The following TMEM170B variants were observed in gnomAD, a reference collection of about 807,000 sequenced individuals.
The protein encoded by TMEM170B is transmembrane protein 170B.
In TMEM170B, 6 loss-of-function variants were observed where a neutral mutation model predicts 13.0. The ratio of observed to expected loss-of-function variants is 0.46; its 90% CI spans 0.25 to 0.91. The LOEUF (loss-of-function observed/expected upper bound fraction) is 0.91, where lower values mean the gene tolerates loss of function less well. TMEM170B is among the 40% of genes least tolerant of loss of function. The pLI is 0.17. For missense variants in TMEM170B, 138 were observed against 165.2 expected, an observed-to-expected ratio of 0.84 and a Z score of 0.90; for synonymous variants, 61 against 64.9, an observed-to-expected ratio of 0.94 and a Z score of 0.29.
At chr6:11,545,276 C>CTG (rs1287095672) in intron 1 of TMEM170B, among the ~76,000 whole-genome samples, 1 of 91,126 alleles carries the variant, frequency 1.1e-5, no homozygotes, top group African/African-American at 3.7e-5. Context: ...CTCTCTCTCT[C>CTG]TCTCTGTGTG....
chr6:11,545,280 C>CTG (rs1210551633), intron 1 of TMEM170B, among the ~76,000 whole-genome samples: 5,705 of 139,772 alleles, frequency 0.041, 171 homozygotes, highest in African/African-American at 0.079. Context: ...CTCTCTCTCT[C>CTG]TGTGTGTGTG....
At chr6:11,566,413 A>G (rs1398914187) in intron 2 of TMEM170B, among the ~76,000 whole-genome samples, 1 of 152,182 alleles carries the variant, frequency 6.6e-6, no homozygotes, top group Non-Finnish European at 1.5e-5. Context: ...TTCTCTGTTT[A>G]ACACTGTACT....
rs1446311979 is a variant in TMEM170B at position 11,575,242 on chromosome 6, GC to G, written c.269-188del. On this transcript the variant is annotated intron_variant, in intron 2 of 2. Transcript: ENST00000379426. The surrounding 1 kb of genome is among the most constrained non-coding windows in gnomAD (Gnocchi z 4.1). ...GAAAAGTCTGTTTTTCAAATAAGTGGCTAAGTGTATTATGGTAAGTTGTAAC... is the reference window on the plus strand; with the variant it reads ...GAAAAGTCTGTTTTTCAAATAAGTGGTAAGTGTATTATGGTAAGTTGTAAC... 6.6e-6 allele frequency among the ~76,000 whole-genome samples: 1 copy of G among 151,984 alleles called. No individual in the cohort carries two copies. The highest frequency in any genetic ancestry group is 1.5e-5 in the Non-Finnish European group (1 of 67,978).
Position 11,583,102 on chromosome 6 carries a change from G to A in TMEM170B, c.*7541G>A, listed in dbSNP as rs1293204234. 6.6e-6 allele frequency: 1 copy of A among 152,160 alleles called. No homozygotes were observed. Among genetic ancestry groups the A allele is most frequent in the African/African-American group, 2.4e-5 (1 of 41,426 alleles). 9.4% of individuals were successfully genotyped at this position (152,160 alleles called of 1,614,324 possible). On this transcript the variant is annotated 3_prime_UTR_variant, in exon 3 of 3. Transcript: ENST00000379426. ...TGAATTTTAAGTAATTTTAATTGCA[G>A]TAAGCATCAGTTTAGCCTAGAGATG...
At chr6:11,564,159 C>T (rs1017278449) in intron 1 of TMEM170B, among the ~76,000 whole-genome samples, 1 of 152,296 alleles carries the variant, frequency 6.6e-6, no homozygotes, top group Middle Eastern at 3.4e-3. Context: ...GAGTTGCTAT[C>T]ACCTCTTGGC....
intron 1 of TMEM170B, among the ~76,000 whole-genome samples, chr6:11,544,950 T>G (rs951704768): frequency 3.8e-5 from 5 of 131,818 alleles, no homozygotes; most frequent in Non-Finnish European, 5.1e-5. Context: ...CAATTAAATG[T>G]TTTTTTTTTG....
In TMEM170B at chr6:11,579,528, T is replaced by C. The variant is rs1759923745; in HGVS notation, c.*3967T>C. On this transcript the variant is annotated 3_prime_UTR_variant, in exon 3 of 3. Coordinates refer to ENST00000379426, the MANE Select transcript of TMEM170B (RefSeq NM_001100829.3). Reference sequence around the variant, plus strand: ...TCATCAATTTTGTTTCATTTCTATATTTTCCTTACATATGCTTTAGGAAAG... The same window carrying C: ...TCATCAATTTTGTTTCATTTCTATACTTTCCTTACATATGCTTTAGGAAAG... 6.6e-6 allele frequency: 1 copy of C among 152,246 alleles called. No individual in the cohort carries two copies. The highest frequency in any genetic ancestry group is 6.5e-5 in the Admixed American group (1 of 15,282). The allele number at this position is 152,246 out of a possible 1,614,324, so 9.4% of individuals were successfully genotyped here. A position where few individuals can be genotyped will look rare whatever the true frequency, so the allele number is the denominator to read the frequency against.
chr6:11,554,700 T>G (rs968855634), intron 1 of TMEM170B, among the ~76,000 whole-genome samples: 4 of 152,120 alleles, frequency 2.6e-5, no homozygotes, highest in Non-Finnish European at 5.9e-5. Flanking sequence ...GTAATTTGGT[T>G]TAAGTGGCTA....
rs1759311743 is a variant in TMEM170B at position 11,538,449 on chromosome 6, C to T, written c.97+75C>T. 4.4e-6 allele frequency: 5 copies of T among 1,136,904 alleles called. No homozygotes were observed. In the South Asian group the frequency reaches 4.6e-5, roughly 10 times the overall value. 70.4% of individuals were successfully genotyped at this position (1,136,904 alleles called of 1,614,324 possible). A position where few individuals can be genotyped will look rare whatever the true frequency, so the allele number is the denominator to read the frequency against. On this transcript the variant is annotated intron_variant, in intron 1 of 2. Coordinates refer to ENST00000379426, the MANE Select transcript of TMEM170B (RefSeq NM_001100829.3). ...TGTCTTCTCCTTCCTCGGGAGGGGA[C>T]ACGCTCCTCGCCGCCCCACCCCCGT...
At position 11,582,524 on chromosome 6, in the gene TMEM170B, A is replaced by G. The variant is rs1389002324; in HGVS notation, c.*6963A>G. On this transcript the variant is annotated 3_prime_UTR_variant, in exon 3 of 3. Coordinates refer to ENST00000379426, the MANE Select transcript of TMEM170B (RefSeq NM_001100829.3). ...TGACAGCTACTTTCACTATATTTTC[A>G]TGATGTGGTATTTTTCTCTATTTTT... 1 of 152,194 alleles carries G rather than the reference A, an allele frequency of 6.6e-6. No individual in the cohort carries two copies. Among genetic ancestry groups the G allele is most frequent in the Non-Finnish European group, 1.5e-5 (1 of 68,022 alleles). 9.4% of individuals were successfully genotyped at this position (152,194 alleles called of 1,614,324 possible). A position where few individuals can be genotyped will look rare whatever the true frequency, so the allele number is the denominator to read the frequency against.
At chr6:11,553,742 C>T (rs1759554185) in intron 1 of TMEM170B, among the ~76,000 whole-genome samples, 1 of 152,144 alleles carries the variant, frequency 6.6e-6, no homozygotes, top group African/African-American at 2.4e-5. Flanking sequence ...TTTAATCTTT[C>T]AAGTTAAGCA....
At chr6:11,566,258 A>G (rs1407201487) in intron 2 of TMEM170B, among the ~76,000 whole-genome samples, 1 of 152,200 alleles carries the variant, frequency 6.6e-6, no homozygotes, top group South Asian at 2.1e-4. Context: ...TACAAAATAA[A>G]ATTGCACTTT....
rs1477128740 is a variant in TMEM170B at position 11,581,458 on chromosome 6, T to G, written c.*5897T>G. 1 of 152,210 alleles carries G rather than the reference T, an allele frequency of 6.6e-6. No individual in the cohort carries two copies. Among genetic ancestry groups the G allele is most frequent in the African/African-American group, 2.4e-5 (1 of 41,444 alleles). The allele number at this position is 152,210 out of a possible 1,614,324, so 9.4% of individuals were successfully genotyped here. A position where few individuals can be genotyped will look rare whatever the true frequency, so the allele number is the denominator to read the frequency against. The stretch of plus-strand genomic sequence containing the variant: ...GAACCTCATACATACATTTTTACGA[T>G]TATGTACTGCACCCACATGTATCTA... On this transcript the variant is annotated 3_prime_UTR_variant, in exon 3 of 3. Coordinates refer to ENST00000379426, the MANE Select transcript of TMEM170B (RefSeq NM_001100829.3).
rs376653266 is a variant in TMEM170B, at chr6:11,565,692, G to A, written c.124G>A (p.Ala42Thr). ...TEMWYWIFLW[A>T]LFSSLFVHGA... Reference sequence around the variant, plus strand: ...GATGTGGTACTGGATCTTCCTCTGGGCTCTCTTCTCTTCTCTGTTTGTCCA... The same window carrying A: ...GATGTGGTACTGGATCTTCCTCTGGACTCTCTTCTCTTCTCTGTTTGTCCA... Residue 42 changes from alanine (A) to threonine (T), a missense_variant, in exon 2 of 3, where the codon GCT (alanine) becomes ACT (threonine). Coordinates refer to ENST00000379426, the MANE Select transcript of TMEM170B (RefSeq NM_001100829.3). 8.1e-6 allele frequency: 13 copies of A among 1,613,966 alleles called. No homozygotes were observed. The highest frequency in any genetic ancestry group is 1.1e-5 in the South Asian group (1 of 91,084).
At chr6:11,560,557 G>A (rs2113774239) in intron 1 of TMEM170B, among the ~76,000 whole-genome samples, 1 of 141,572 alleles carries the variant, frequency 7.1e-6, no homozygotes, top group South Asian at 2.3e-4. Context: ...TCCAGCCTGG[G>A]CAGCATAGCA....
At chr6:11,539,356 T>G (rs1249403813) in intron 1 of TMEM170B, among the ~76,000 whole-genome samples, 1 of 152,238 alleles carries the variant, frequency 6.6e-6, no homozygotes, top group African/African-American at 2.4e-5. Flanking sequence ...GGCAGTTAAT[T>G]TCAGTAGAAC....
In TMEM170B at chr6:11,575,519, G is replaced by A; in HGVS notation, c.357G>A (p.Leu119=). ...TATGGGGCGTTGGACAGACTGTACTGACATTAATCATCTCCTTTTCAAGGA... is the reference window on the plus strand; with the variant it reads ...TATGGGGCGTTGGACAGACTGTACTAACATTAATCATCTCCTTTTCAAGGA... ...ALVWGVGQTV[L]TLIISFSRIL... is the part of the protein sequence containing the mutation. Residue 119 remains leucine (L), a synonymous_variant, in exon 3 of 3, where the codon CTG becomes CTA. Coordinates refer to ENST00000379426, the MANE Select transcript of TMEM170B (RefSeq NM_001100829.3). The surrounding 1 kb of genome is among the most constrained non-coding windows in gnomAD (Gnocchi z 4.1). 2.5e-6 allele frequency: 4 copies of A among 1,613,404 alleles called. No individual in the cohort carries two copies. The highest frequency in any genetic ancestry group is 1.3e-5 in the African/African-American group (1 of 74,984).
At chr6:11,569,205 C>CTTGTTGTTG (rs1276095177) in intron 2 of TMEM170B, among the ~76,000 whole-genome samples, 6 of 152,078 alleles carry the variant, frequency 3.9e-5, no homozygotes, top group African/African-American at 1.4e-4. Context: ...ATATTGACCT[C>CTTGTTGTTG]TTGTTGGTTT....
chr6:11,558,577 C>T (rs2113772697), intron 1 of TMEM170B, among the ~76,000 whole-genome samples: 1 of 152,288 alleles, frequency 6.6e-6, no homozygotes, highest in South Asian at 2.1e-4. Context: ...TAGGCTCTCC[C>T]AGGTGACTCC....
Sources: gnomAD v4.1 joint callset for allele counts (sites outside exome capture counted in the v4.1 genomes callset) on GRCh38, gnomAD v4.1.1 for gene constraint, Gnocchi (gnomAD v3.1) non-coding constraint, MANE v1.5 for transcripts, NCBI Gene and HGNC (gene_info 2026-07-23, HGNC 2026-07-21) for gene names.